Variants in BOC observed in about 807,000 individuals in gnomAD.
BOC encodes BOC cell adhesion associated, oncogene regulated.
A neutral mutation model predicts 112.0 loss-of-function variants in BOC; 76 were observed. That is an observed-to-expected ratio of 0.68 (90% CI 0.56 to 0.82). BOC has a LOEUF of 0.82. Among genes scored for constraint, BOC ranks in the 40% least tolerant of loss-of-function variants. The probability of loss-of-function intolerance (pLI) is 0.00; values close to 1 mark genes in which losing one functional copy is unlikely to be tolerated. For missense variants in BOC, 1,309 were observed against 1,511.7 expected, an observed-to-expected ratio of 0.87 and a Z score of 2.22; for synonymous variants, 580 against 599.8, an observed-to-expected ratio of 0.97 and a Z score of 0.48.
intron 2 of BOC, among the ~76,000 whole-genome samples, chr3:113,236,053 C>T (rs888096881): frequency 2.0e-5 from 3 of 151,270 alleles, no homozygotes; most frequent in Admixed American, 6.6e-5. Context: ...CCAGCAAGCC[C>T]GCTATTTAGT....
chr3:113,287,188 C>A lies in BOC; in HGVS notation c.*326C>A. 2.6e-6 allele frequency: 1 copy of A among 390,554 alleles called. No individual in the cohort carries two copies. The allele number at this position is 390,554 out of a possible 1,614,324, so 24.2% of individuals were successfully genotyped here. A position where few individuals can be genotyped will look rare whatever the true frequency, so the allele number is the denominator to read the frequency against. Reference sequence around the variant, plus strand: ...TGCAGGAGGCCCACAGATAAGCTGGCAAGAGGAAGGATCCCAGGCACATGG... The same window carrying A: ...TGCAGGAGGCCCACAGATAAGCTGGAAAGAGGAAGGATCCCAGGCACATGG... On this transcript the variant is annotated 3_prime_UTR_variant, in exon 20 of 20. Coordinates refer to ENST00000682979, the MANE Select transcript of BOC (RefSeq NM_001378074.1).
chr3:113,242,510 G>A (rs1055665698), intron 2 of BOC, among the ~76,000 whole-genome samples: 1 of 152,058 alleles, frequency 6.6e-6, no homozygotes, highest in Non-Finnish European at 1.5e-5. Context: ...GATGGCAGAG[G>A]TGGCTTCTCC....
At chr3:113,223,633 G>A (rs1941141308) in intron 2 of BOC, among the ~76,000 whole-genome samples, 1 of 152,104 alleles carries the variant, frequency 6.6e-6, no homozygotes, top group African/African-American at 2.4e-5. Context: ...CCAGCCCCTG[G>A]CAACCGCTGA....
intron 4 of BOC, among the ~76,000 whole-genome samples, chr3:113,255,279 G>A (rs1244773111): frequency 6.6e-6 from 1 of 151,990 alleles, no homozygotes. Flanking sequence ...GCTGTTCCCA[G>A]TCTGCTCCTG....
intron 4 of BOC, among the ~76,000 whole-genome samples, chr3:113,265,097 C>T (rs1037427050): frequency 5.3e-5 from 8 of 152,142 alleles, no homozygotes; most frequent in South Asian, 2.1e-4. Context: ...GCAGCAGGAG[C>T]CAAGAGGGGA....
intron 2 of BOC, among the ~76,000 whole-genome samples, chr3:113,234,218 C>G (rs569960931): frequency 1.9e-4 from 29 of 152,282 alleles, no homozygotes; most frequent in South Asian, 1.7e-3. Flanking sequence ...CCTGCCTTAA[C>G]TGACAGACTT....
Position 113,273,307 on chromosome 3 carries a change from C to G in BOC, c.1200C>G (p.Ala400=). Residue 400 remains alanine (A), a synonymous_variant, in exon 8 of 20, where the codon GCC becomes GCG. Transcript: ENST00000682979. The part of the protein sequence containing the change: ...QCMAENEVGS[A]HAVVQLRTSR... ...TGGCCGAGAACGAGGTTGGGAGCGC[C>G]CATGCCGTAGTCCAGCTGCGGACCT... 1 of 1,599,130 alleles carries G rather than the reference C, an allele frequency of 6.3e-7. No individual in the cohort carries two copies. The highest frequency in any genetic ancestry group is 8.6e-7 in the Non-Finnish European group (1 of 1,168,342).
intron 2 of BOC, among the ~76,000 whole-genome samples, chr3:113,227,849 C>G (rs2107673680): frequency 6.6e-6 from 1 of 151,226 alleles, no homozygotes; most frequent in Middle Eastern, 3.4e-3. Context: ...CAGCAGTTAT[C>G]AAGACAAACA....
At chr3:113,225,350 C>T (rs527610172) in intron 2 of BOC, among the ~76,000 whole-genome samples, 11 of 152,226 alleles carry the variant, frequency 7.2e-5, no homozygotes, top group Middle Eastern at 3.4e-3. Flanking sequence ...TACTTTCTCA[C>T]GCTGAAAGAC....
rs369246790 is a variant in BOC, at chr3:113,249,932, C to T, written c.97+33C>T. The T allele has an allele frequency of 3.2e-6, 5 of 1,570,668 alleles. No individual in the cohort carries two copies. The South Asian group carries it at 4.5e-5, about 14-fold the overall frequency. ...CTTTCCTTCCCTTTCCCTGCCCTTA[C>T]AGTCAAATGGAAACATTCCGCATTC... On this transcript the variant is annotated intron_variant, in intron 3 of 19. Transcript: ENST00000682979.
chr3:113,255,850 A>G (rs1261105078), intron 4 of BOC, among the ~76,000 whole-genome samples: 1 of 152,220 alleles, frequency 6.6e-6, no homozygotes, highest in Non-Finnish European at 1.5e-5. Context: ...CCATAATTTA[A>G]TTTAACCCAT....
Position 113,247,500 on chromosome 3 carries a change from G to GAAAAAAAAAA in BOC, c.-81-2214_-81-2205dup, listed in dbSNP as rs58781225. Among the ~76,000 whole-genome samples the GAAAAAAAAAA allele has an allele frequency of 2.8e-3, 347 of 125,658 alleles. 5 individuals are homozygous for GAAAAAAAAAA. In the East Asian group the frequency reaches 0.029, roughly 11 times the overall value. The allele number at this position is 125,658 out of a possible 152,430, so 82.4% of individuals were successfully genotyped here. A position where few individuals can be genotyped will look rare whatever the true frequency, so the allele number is the denominator to read the frequency against. ...CCCACTGGTTTCAGAGCCCTGATAG[G>GAAAAAAAAAA]AAAAAAAAAAAAAAAAAGGGAAAAA... On this transcript the variant is annotated intron_variant, in intron 2 of 19. Transcript: ENST00000682979.
At chr3:113,262,816 C>G (rs774648372) in intron 4 of BOC, among the ~76,000 whole-genome samples, 2 of 152,184 alleles carry the variant, frequency 1.3e-5, no homozygotes, top group Non-Finnish European at 2.9e-5. Flanking sequence ...GACTTTTTGT[C>G]CATCAATGAA....
At chr3:113,251,830 G>T (rs1945679556) in intron 4 of BOC, 1 of 152,110 alleles carries the variant, frequency 6.6e-6, no homozygotes, top group Non-Finnish European at 1.5e-5. Context: ...TTACTTGAGG[G>T]TGTATTATAA....
Position 113,279,900 on chromosome 3 carries a change from C to T in BOC, c.2100C>T (p.Tyr700=), listed in dbSNP as rs987544617. Residue 700 remains tyrosine (Y), a synonymous_variant, in exon 13 of 20, where the codon TAC becomes TAT. Coordinates refer to ENST00000682979, the MANE Select transcript of BOC (RefSeq NM_001378074.1). ...ESEPSAPSRP[Y]VVSGYSGRVY... ...AGCCCAGCGCCCCCTCTCGGCCCTA[C>T]GTGGTGTCGGGCTACAGCGGTCGCG... The T allele has an allele frequency of 5.6e-6, 9 of 1,614,034 alleles. No individual in the cohort carries two copies. Among genetic ancestry groups the T allele is most frequent in the African/African-American group, 2.7e-5 (2 of 75,040 alleles).
chr3:113,213,996 A>G (rs112413143), intron 1 of BOC, among the ~76,000 whole-genome samples: 3 of 152,326 alleles, frequency 2.0e-5, no homozygotes, highest in Admixed American at 6.5e-5. Context: ...TTTATCCTCT[A>G]TCGAGATACT....
At chr3:113,268,475 C>A in intron 5 of BOC, 30 bp downstream of exon 5, 1 of 1,608,242 alleles carries the variant, frequency 6.2e-7, no homozygotes, top group Non-Finnish European at 8.5e-7. Context: ...GAGGCCAAGG[C>A]TGAGGCCAGA....
rs761403195 is a variant in BOC, at chr3:113,273,179, A to G, written c.1072A>G (p.Arg358Gly). The change falls in exon 8 of 20, where the codon AGG becomes GGG. Residue 358 changes from arginine (R) to glycine (G), a missense_variant. Physicochemically the swap from Arg to Gly is moderately radical, Grantham distance 125 (BLOSUM62 -2). Coordinates refer to ENST00000682979, the MANE Select transcript of BOC (RefSeq NM_001378074.1). ...GNPPPSVLWL[R>G]NAVPLISSQR... ...CCCCCCGCCCTCCGTGCTGTGGCTG[A>G]GGAATGCTGTGCCCCTCATCTCCAG... 4 of 1,614,042 alleles carry G rather than the reference A, an allele frequency of 2.5e-6. No individual in the cohort carries two copies. In the Admixed American group the frequency reaches 6.7e-5, roughly 27 times the overall value.
chr3:113,275,300 C>A (rs975296156), intron 9 of BOC, among the ~76,000 whole-genome samples: 2 of 152,184 alleles, frequency 1.3e-5, no homozygotes, highest in African/African-American at 4.8e-5. Flanking sequence ...GAAGTCTGTC[C>A]AGGTGAATGC....
Sources: gnomAD v4.1 joint callset for allele counts (sites outside exome capture counted in the v4.1 genomes callset) on GRCh38, gnomAD v4.1.1 for gene constraint, MANE v1.5 for transcripts, NCBI Gene and HGNC (gene_info 2026-07-23, HGNC 2026-07-21) for gene names.